The following MPDZ variants were observed in gnomAD, a reference collection of about 807,000 sequenced individuals.
The protein encoded by MPDZ is multiple PDZ domain protein.
Under a neutral mutation model 239.1 loss-of-function variants are expected in MPDZ, and 234 were observed. The observed-to-expected ratio is 0.98, with a 90% CI of 0.88 to 1.09. The LOEUF is 1.09. MPDZ is among the 50% of genes least tolerant of loss of function. The probability of loss-of-function intolerance (pLI) is 0.00; values close to 1 mark genes in which losing one functional copy is unlikely to be tolerated. For synonymous variants in MPDZ, 1,048 were observed against 881.3 expected (o/e 1.19, Z -3.35); for missense variants, 3,175 against 2,510.0 (o/e 1.26, Z -5.66).
At chr9:13,195,644 A>G (rs958136803) in intron 13 of MPDZ, among the ~76,000 whole-genome samples, 17 of 152,196 alleles carry the variant, frequency 1.1e-4, no homozygotes, top group Non-Finnish European at 1.8e-4. Context: ...TCACCACAGC[A>G]TAAGTGGTAT....
chr9:13,238,330 G>C lies in MPDZ; in HGVS notation c.183+9305C>G, dbSNP rs568423886. On this transcript the variant is annotated intron_variant, in intron 3 of 46. Transcript: ENST00000319217. ...AGTGGAAAGTCCACTTACATAATAAGATTACAGTGGGGTGACCAGCCTTCC... is the reference window on the plus strand; with the variant it reads ...AGTGGAAAGTCCACTTACATAATAACATTACAGTGGGGTGACCAGCCTTCC... Among the ~76,000 whole-genome samples the C allele has an allele frequency of 1.4e-4, 21 of 152,276 alleles. No individual in the cohort carries two copies. The South Asian group carries it at 1.7e-3, about 12-fold the overall frequency.
intron 1 of MPDZ, among the ~76,000 whole-genome samples, chr9:13,257,693 C>G (rs930503794): frequency 6.6e-6 from 1 of 152,152 alleles, no homozygotes; most frequent in Non-Finnish European, 1.5e-5. Flanking sequence ...GATAATCTTA[C>G]TTTGCACTGC....
intron 12 of MPDZ, among the ~76,000 whole-genome samples, chr9:13,200,279 A>G (rs1956222749): frequency 6.6e-6 from 1 of 151,944 alleles, no homozygotes; most frequent in South Asian, 2.1e-4. Flanking sequence ...GTATTTCAAT[A>G]GTATCAATTA....
intron 44 of MPDZ, 72 bp from the exon 45 acceptor site, chr9:13,110,136 A>T: frequency 1.0e-6 from 1 of 990,766 alleles, no homozygotes; most frequent in Non-Finnish European, 1.5e-6. Context: ...TTTCTTCAGA[A>T]AGAGCACTTG....
Position 13,143,583 on chromosome 9 carries a change from G to C in MPDZ, c.3742-19C>G, listed in dbSNP as rs1157276929. 5.0e-6 allele frequency: 8 copies of C among 1,585,626 alleles called. No homozygotes were observed. Among genetic ancestry groups the C allele is most frequent in the Non-Finnish European group, 6.9e-6 (8 of 1,154,556 alleles). ...GGGATTTCTAAAAGGAAACATAAGA[G>C]GCGCTGAACGCAAAGGAAATGTATT... On this transcript the variant is annotated intron_variant, in intron 26 of 46. Transcript: ENST00000319217.
intron 25 of MPDZ, among the ~76,000 whole-genome samples, chr9:13,149,845 C>T (rs900305311): frequency 6.6e-6 from 1 of 152,018 alleles, no homozygotes; most frequent in African/African-American, 2.4e-5. Flanking sequence ...CACAGGCACA[C>T]ATACAGAGCC....
chr9:13,221,531 G>C, intron 6 of MPDZ, 31 bp from the exon 7 acceptor site: 1 of 1,596,090 alleles, frequency 6.3e-7, no homozygotes, highest in Non-Finnish European at 8.5e-7. Flanking sequence ...TGAATTTGTA[G>C]AAATTTACAA....
At chr9:13,108,316 T>C (rs1941830410) in intron 46 of MPDZ, among the ~76,000 whole-genome samples, 1 of 152,120 alleles carries the variant, frequency 6.6e-6, no homozygotes, top group Non-Finnish European at 1.5e-5. Flanking sequence ...AATATCTTTA[T>C]TCTTATTCTA....
intron 1 of MPDZ, among the ~76,000 whole-genome samples, chr9:13,275,132 CAG>C (rs1407440937): frequency 2.0e-5 from 3 of 152,324 alleles, no homozygotes; most frequent in Admixed American, 6.5e-5. Context: ...CTCACTGCCT[CAG>C]AGTCTCACTA....
At chr9:13,142,454 T>C (rs184900065) in intron 27 of MPDZ, among the ~76,000 whole-genome samples, 1 of 152,304 alleles carries the variant, frequency 6.6e-6, no homozygotes, top group East Asian at 1.9e-4. Context: ...AGTGACACTT[T>C]TTAAAATTTA....
At chr9:13,255,038 A>C (rs989658211) in intron 1 of MPDZ, among the ~76,000 whole-genome samples, 11 of 152,196 alleles carry the variant, frequency 7.2e-5, no homozygotes, top group Non-Finnish European at 1.3e-4. Context: ...AGAACCTCTC[A>C]AATCCTGCTC....
At chr9:13,195,760 A>G (rs998944599) in intron 13 of MPDZ, among the ~76,000 whole-genome samples, 1 of 152,212 alleles carries the variant, frequency 6.6e-6, no homozygotes, top group East Asian at 1.9e-4. Context: ...AAGTCATGAT[A>G]AATTTTGTTT....
In MPDZ at chr9:13,115,853, A is replaced by G. The variant is rs570620722; in HGVS notation, c.5380-519T>C. 5.9e-4 allele frequency among the ~76,000 whole-genome samples: 90 copies of G among 151,320 alleles called. 1 individual carries two copies. In the South Asian group the frequency reaches 0.014, roughly 24 times the overall value. ...CCAGCTACTCAGGAGGCTGAGGCAG[A>G]AGAATGGCGTGAACCTGGGAGGCGG... is the stretch of plus-strand genomic sequence containing the variant. On this transcript the variant is annotated intron_variant, in intron 39 of 46. Coordinates refer to ENST00000319217, the MANE Select transcript of MPDZ (RefSeq NM_001378778.1).
At chr9:13,120,144 C>G (rs1272583135) in intron 38 of MPDZ, 1 of 155,104 alleles carries the variant, frequency 6.4e-6, no homozygotes, top group Non-Finnish European at 1.4e-5. Context: ...ATCTAAGTAC[C>G]ATTGCTGTGA....
chr9:13,190,103 T>C lies in MPDZ; in HGVS notation c.2154+11A>G, dbSNP rs1465680297. On this transcript the variant is annotated intron_variant, in intron 16 of 46. Coordinates refer to ENST00000319217, the MANE Select transcript of MPDZ (RefSeq NM_001378778.1). Reference sequence around the variant, plus strand: ...GGCCTTTAAAAATTGTTAAAAGTAGTATATACTTACCTGATAATCTAAAAT... The same window carrying C: ...GGCCTTTAAAAATTGTTAAAAGTAGCATATACTTACCTGATAATCTAAAAT... 1.2e-6 allele frequency: 2 copies of C among 1,607,058 alleles called. No homozygotes were observed. Among genetic ancestry groups the C allele is most frequent in the East Asian group, 4.5e-5 (2 of 44,550 alleles).
In MPDZ at chr9:13,183,545, A is replaced by G; in HGVS notation, c.2522T>C (p.Phe841Ser). The change falls in exon 19 of 47, where the codon TTT becomes TCT. Residue 841 changes from phenylalanine to serine, a missense_variant. Phe to Ser is a radical substitution (Grantham distance 155). Coordinates refer to ENST00000319217, the MANE Select transcript of MPDZ (RefSeq NM_001378778.1). ...ATTTTCAGGAGAGTATGGAGACTCA[A>G]ATGTGGATTCATCTACTAAGTCAGC... Reference protein sequence around the residue: ...NDADLVDESTFESPYSPENDS... With the variant: ...NDADLVDESTSESPYSPENDS... The G allele has an allele frequency of 6.2e-7, 1 of 1,612,598 alleles. No individual in the cohort carries two copies. The highest frequency in any genetic ancestry group is 8.5e-7 in the Non-Finnish European group (1 of 1,179,082).
At position 13,190,205 on chromosome 9, in the gene MPDZ, T is replaced by G. The variant is rs1384764121; in HGVS notation, c.2063A>C (p.Gln688Pro). Residue 688 changes from glutamine (Q) to proline (P), a missense_variant, in exon 16 of 47, where the codon CAA becomes CCA. Physicochemically the swap from Gln to Pro is moderately conservative, Grantham distance 76. Transcript: ENST00000319217. Reference sequence around the variant, plus strand: ...AGCCTCCCACATGGCCAAAGGTGCTTGAACCTCTTCTGTACTCTGACCCGC... The same window carrying G: ...AGCCTCCCACATGGCCAAAGGTGCTGGAACCTCTTCTGTACTCTGACCCGC... Reference protein sequence around the residue: ...TDAGQSTEEVQAPLAMWEAGI... With the variant: ...TDAGQSTEEVPAPLAMWEAGI... The G allele has an allele frequency of 1.2e-6, 2 of 1,613,264 alleles. No homozygotes were observed. The highest frequency in any genetic ancestry group is 1.7e-6 in the Non-Finnish European group (2 of 1,179,572).
chr9:13,199,967 A>G (rs1227189057), intron 12 of MPDZ, among the ~76,000 whole-genome samples: 1 of 152,042 alleles, frequency 6.6e-6, no homozygotes, highest in African/African-American at 2.4e-5. Context: ...GGCTGGCCCC[A>G]AATAATGGGT....
rs990113086 is a variant in MPDZ, at chr9:13,143,841, G to A, written c.3742-277C>T. Among the ~76,000 whole-genome samples the A allele has an allele frequency of 5.3e-5, 8 of 151,788 alleles. No individual in the cohort carries two copies. The South Asian group carries it at 1.7e-3, about 32-fold the overall frequency. ...TCTTTTATTTTTGCTCAATGTCTTC[G>A]GTATTACTAACAGAGGCACATATAT... is the stretch of plus-strand genomic sequence containing the variant. On this transcript the variant is annotated intron_variant, in intron 26 of 46. Transcript: ENST00000319217.
Sources: gnomAD v4.1 joint callset for allele counts (sites outside exome capture counted in the v4.1 genomes callset) on GRCh38, gnomAD v4.1.1 for gene constraint, MANE v1.5 for transcripts, NCBI Gene and HGNC (gene_info 2026-07-23, HGNC 2026-07-21) for gene names.